YAE1: variants seen among roughly 807,000 people sequenced by gnomAD.
YAE1 encodes the protein protein YAE1 homolog.
YAE1 carries 22 observed loss-of-function variants against 23.0 expected under a neutral mutation model. The ratio of observed to expected loss-of-function variants is 0.96; its 90% CI spans 0.68 to 1.37. The LOEUF is 1.37. YAE1 is among the 40% of genes most tolerant of loss of function. YAE1 has a pLI of 0.00. For missense variants in YAE1, 260 were observed against 262.1 expected (o/e 0.99, Z 0.06); for synonymous variants, 101 against 97.0 (o/e 1.04, Z -0.24).
intron 2 of YAE1, among the ~76,000 whole-genome samples, chr7:39,595,757 T>C (rs2115831093): frequency 6.6e-6 from 1 of 152,264 alleles, no homozygotes; most frequent in East Asian, 1.9e-4. Context: ...TCAAACTCTG[T>C]GGTGGCATAC....
At chr7:39,570,143 C>A in intron 1 of YAE1, 1 of 804,458 alleles carries the variant, frequency 1.2e-6, no homozygotes, top group East Asian at 2.5e-5. Context: ...GGGAGCACCC[C>A]CAAGCAACAG....
rs531619039 is a variant in YAE1 at position 39,589,287 on chromosome 7, C to CA, written c.251+18661dup. On this transcript the variant is annotated intron_variant, in intron 2 of 2. Transcript: ENST00000432096. ...TTCTGTATAGCTATTTCAGTGCCCC[C>CA]ATGAACACATGTGTTTTAGAATATG... Among the ~76,000 whole-genome samples, 50 of 152,220 alleles carry CA rather than the reference C, an allele frequency of 3.3e-4. 1 individual carries two copies. The highest frequency in any genetic ancestry group is 1.2e-3 in the African/African-American group (49 of 41,544).
At chr7:39,566,924 GAGCC>G (rs112002348) in intron 1 of YAE1, 9,448 of 175,942 alleles carry the variant, frequency 0.054, 541 homozygotes, top group African/African-American at 0.15. Context: ...AATGGGTAGG[GAGCC>G]TAAAGTTAAG....
intron 2 of YAE1, chr7:39,571,047 G>A (rs1381227047): frequency 1.3e-5 from 2 of 156,704 alleles, no homozygotes; most frequent in Admixed American, 6.5e-5. Flanking sequence ...TTGTCAGGAT[G>A]CCATTGCAAT....
Position 39,566,530 on chromosome 7 carries a change from A to G in YAE1, c.112A>G (p.Met38Val). 1 of 1,614,006 alleles carries G rather than the reference A, an allele frequency of 6.2e-7. No homozygotes were observed. Among genetic ancestry groups the G allele is most frequent in the Non-Finnish European group, 8.5e-7 (1 of 1,179,904 alleles). Residue 38 changes from methionine to valine, a missense_variant, in exon 1 of 3, where the codon ATG becomes GTG. By Grantham distance (21) the Met-to-Val change is conservative. Transcript: ENST00000223273. ...LLAQREWQSN[M>V]QRRVKEGYRD... ...GGCGCAGCGGGAATGGCAGAGTAAC[A>G]TGCAAAGACGAGTCAAAGTAAACGT...
intron 2 of YAE1, among the ~76,000 whole-genome samples, chr7:39,601,755 T>C (rs1449599697): frequency 1.5e-5 from 1 of 68,402 alleles, no homozygotes; most frequent in East Asian, 7.2e-4. Flanking sequence ...CCAGACTCTG[T>C]CTCAAAAAAA....
chr7:39,569,943 G>A (rs542010469), intron 1 of YAE1: 104 of 1,325,420 alleles, frequency 7.8e-5, no homozygotes, highest in Non-Finnish European at 8.6e-5. Flanking sequence ...TGGCTGCTCT[G>A]TGACATCTAC....
rs1790827038 is a variant in YAE1 at position 39,586,980 on chromosome 7, C to G, written c.251+16353C>G. On this transcript the variant is annotated intron_variant, in intron 2 of 2. Coordinates refer to the YAE1 transcript ENST00000432096. ...ACAGCTGCAGGTCATGGGTTCACCACCAGCCTAAAGCCTGGAAAGAGTCTT... is the reference window on the plus strand; with the variant it reads ...ACAGCTGCAGGTCATGGGTTCACCAGCAGCCTAAAGCCTGGAAAGAGTCTT... 3.3e-5 allele frequency among the ~76,000 whole-genome samples: 5 copies of G among 152,226 alleles called. No individual in the cohort carries two copies. In the South Asian group the frequency reaches 1.0e-3, roughly 32 times the overall value.
chr7:39,568,683 C>T (rs115603535), intron 1 of YAE1, among the ~76,000 whole-genome samples: 308 of 152,070 alleles, frequency 2.0e-3, no homozygotes, highest in African/African-American at 6.8e-3. Context: ...AGGATATTAT[C>T]CAATTTGAAA....
exon 3 of YAE1, chr7:39,610,279 G>A (rs1202817716): frequency 5.8e-6 from 3 of 513,298 alleles, no homozygotes; most frequent in African/African-American, 3.9e-5. Flanking sequence ...TATGTGTCTT[G>A]AAGCTTTTTG....
At chr7:39,610,676 T>C (rs1791199765), downstream of YAE1, among the ~76,000 whole-genome samples, 1 of 152,218 alleles carries the variant, frequency 6.6e-6, no homozygotes, top group African/African-American at 2.4e-5. Flanking sequence ...GTGCAAATTT[T>C]TTTGATCTTG....
chr7:39,587,284 TG>T (rs1397038448), intron 2 of YAE1, among the ~76,000 whole-genome samples: 3 of 151,704 alleles, frequency 2.0e-5, no homozygotes, highest in African/African-American at 7.3e-5. Context: ...CTCGAACTCC[TG>T]ACTTCAAGTG....
intron 2 of YAE1, 118 bp from the exon 3 acceptor site, chr7:39,572,159 G>A: frequency 3.8e-6 from 4 of 1,047,446 alleles, no homozygotes; most frequent in Non-Finnish European, 5.4e-6. Context: ...ATGAAAGAGG[G>A]GTTATGAATT....
At chr7:39,568,606 T>G (rs1256871477) in intron 1 of YAE1, among the ~76,000 whole-genome samples, 1 of 152,192 alleles carries the variant, frequency 6.6e-6, no homozygotes, top group African/African-American at 2.4e-5. Context: ...TTGATGGATC[T>G]CTCAGTAAAC....
chr7:39,595,020 T>C (rs1790955427), intron 2 of YAE1, among the ~76,000 whole-genome samples: 1 of 152,342 alleles, frequency 6.6e-6, no homozygotes, highest in East Asian at 1.9e-4. Flanking sequence ...TTTTTGTTTT[T>C]GTTTTTAATC....
intron 2 of YAE1, among the ~76,000 whole-genome samples, chr7:39,589,912 A>C (rs1384414530): frequency 6.6e-6 from 1 of 152,216 alleles, no homozygotes; most frequent in African/African-American, 2.4e-5. Context: ...CTTCACCACA[A>C]GAGACGGAGA....
In YAE1 at chr7:39,572,546, G is replaced by A; in HGVS notation, c.521G>A (p.Ser174Asn). The change falls in exon 3 of 3, where the codon AGC becomes AAC. Residue 174 changes from serine (S) to asparagine (N), a missense_variant. Physicochemically the swap from Ser to Asn is conservative, Grantham distance 46. Transcript: ENST00000223273. The part of the protein sequence containing the change: ...NAEFNKNCSK[S>N]HSGIDCSYVE... ...GAGTTTAACAAAAACTGTAGCAAGA[G>A]CCATAGTGGGATAGATTGTTCATAT... 1 of 1,614,148 alleles carries A rather than the reference G, an allele frequency of 6.2e-7. No homozygotes were observed. Among genetic ancestry groups the A allele is most frequent in the Non-Finnish European group, 8.5e-7 (1 of 1,179,986 alleles).
At chr7:39,582,654 G>C (rs1253816488) in intron 2 of YAE1, among the ~76,000 whole-genome samples, 1 of 152,156 alleles carries the variant, frequency 6.6e-6, no homozygotes, top group Non-Finnish European at 1.5e-5. Flanking sequence ...CAGTGTGCTG[G>C]AACAAAGGAT....
chr7:39,567,329 C>G (rs1207428376), intron 1 of YAE1, among the ~76,000 whole-genome samples: 2 of 152,198 alleles, frequency 1.3e-5, no homozygotes, highest in African/African-American at 4.8e-5. Flanking sequence ...TGGGGCCACA[C>G]TAATAAGTAT....
Sources: gnomAD v4.1 joint callset for allele counts (sites outside exome capture counted in the v4.1 genomes callset) on GRCh38, gnomAD v4.1.1 for gene constraint, MANE v1.5 for transcripts, NCBI Gene and HGNC (gene_info 2026-07-23, HGNC 2026-07-21) for gene names.